The following RAI1 variants were observed in gnomAD, a reference collection of about 807,000 sequenced individuals.
RAI1 encodes the protein retinoic acid-induced protein 1.
RAI1 carries 9 observed loss-of-function variants against 123.8 expected under a neutral mutation model. The observed-to-expected ratio is 0.07, with a 90% CI of 0.04 to 0.13. RAI1 has a LOEUF of 0.13. Among genes scored for constraint, RAI1 ranks in the 10% least tolerant of loss-of-function variants. The pLI is 1.00. For synonymous variants in RAI1, 1,231 were observed against 1,127.3 expected (o/e 1.09, Z -1.84); for missense variants, 2,256 against 2,545.8 (o/e 0.89, Z 2.45).
In RAI1 at chr17:17,804,977, C is replaced by G. The variant is rs2032567795; in HGVS notation, c.5659+1128C>G. ...TCCCGAGTTCAAGCGATTCTCCTGC[C>G]TCAGCCTCTCAAGTAGCTGGGACTA... On this transcript the variant is annotated intron_variant, in intron 4 of 5. Transcript: ENST00000353383. Among the ~76,000 whole-genome samples the G allele has an allele frequency of 2.6e-5, 4 of 152,274 alleles. No individual in the cohort carries two copies. In the South Asian group the frequency reaches 8.3e-4, roughly 32 times the overall value.
chr17:17,743,225 T>C (rs1045440725), intron 2 of RAI1, among the ~76,000 whole-genome samples: 1 of 152,194 alleles, frequency 6.6e-6, no homozygotes, highest in African/African-American at 2.4e-5. Context: ...CCTGGGTTCA[T>C]GTGATCCTCT....
At chr17:17,790,914 C>A (rs1276011033) in intron 2 of RAI1, among the ~76,000 whole-genome samples, 1 of 152,204 alleles carries the variant, frequency 6.6e-6, no homozygotes, top group Non-Finnish European at 1.5e-5. Flanking sequence ...AGCTGCCAGA[C>A]CAGAACCAAG....
At chr17:17,682,116 C>T (rs1914443402) in intron 1 of RAI1, among the ~76,000 whole-genome samples, 1 of 146,134 alleles carries the variant, frequency 6.8e-6, no homozygotes, top group African/African-American at 2.6e-5. Flanking sequence ...AAGGGATCTG[C>T]TTGCGCCGAG....
At chr17:17,748,640 A>AT (rs2030022273) in intron 2 of RAI1, among the ~76,000 whole-genome samples, 1 of 152,214 alleles carries the variant, frequency 6.6e-6, no homozygotes, top group Admixed American at 6.5e-5. Context: ...AGGTTCTTAA[A>AT]TGATGATAGA....
In RAI1 at chr17:17,681,632, C is replaced by T. The variant is rs886933348; in HGVS notation, c.-310C>T. 4.6e-5 allele frequency: 10 copies of T among 219,672 alleles called. No homozygotes were observed. The East Asian group carries it at 6.2e-4, about 14-fold the overall frequency. 13.6% of individuals were successfully genotyped at this position (219,672 alleles called of 1,614,324 possible). A position where few individuals can be genotyped will look rare whatever the true frequency, so the allele number is the denominator to read the frequency against. ...CCGAGCAGGCCGCCCTGCCCGCGGC[C>T]CTAGCGCCGGCGCGAGGAGGGGGCG... On this transcript the variant is annotated 5_prime_UTR_variant, in exon 1 of 6. Coordinates refer to ENST00000353383, the MANE Select transcript of RAI1 (RefSeq NM_030665.4).
intron 1 of RAI1, among the ~76,000 whole-genome samples, chr17:17,697,317 C>G (rs1202110230): frequency 1.3e-5 from 2 of 152,264 alleles, no homozygotes; most frequent in Non-Finnish European, 2.9e-5. Context: ...TCGGGAATAA[C>G]AGTCCTGGCC....
intron 1 of RAI1, among the ~76,000 whole-genome samples, chr17:17,709,548 G>C (rs1007700770): frequency 6.6e-6 from 1 of 152,162 alleles, no homozygotes; most frequent in Non-Finnish European, 1.5e-5. Flanking sequence ...GTCACAGTGG[G>C]GCATTTGCAG....
At chr17:17,802,773 C>A (rs1204578358) in intron 3 of RAI1, among the ~76,000 whole-genome samples, 3 of 151,414 alleles carry the variant, frequency 2.0e-5, no homozygotes, top group African/African-American at 7.3e-5. Context: ...AAGACTCCAT[C>A]TCAAAAGCAA....
At chr17:17,773,093 A>ACGGGTGGG (rs1567891404) in intron 2 of RAI1, among the ~76,000 whole-genome samples, 1 of 120,936 alleles carries the variant, frequency 8.3e-6, no homozygotes, top group Non-Finnish European at 1.7e-5. Flanking sequence ...GGATGGATGG[A>ACGGGTGGG]TGGGTGGGTG....
rs1440736316 is a variant in RAI1 at position 17,808,803 on chromosome 17, C to G, written c.5660-587C>G. ...TCCATGATAGGCATACAGTAGGTGG[C>G]ATAATGCCCATTTTACAGATGTGGA... On this transcript the variant is annotated intron_variant, in intron 4 of 5. Coordinates refer to ENST00000353383, the MANE Select transcript of RAI1 (RefSeq NM_030665.4). Among the ~76,000 whole-genome samples the G allele has an allele frequency of 8.5e-5, 13 of 152,312 alleles. No individual in the cohort carries two copies. In the East Asian group the frequency reaches 2.5e-3, roughly 29 times the overall value.
chr17:17,810,119 C>CCGGAT lies in RAI1; in HGVS notation c.*141_*145dup, dbSNP rs2032701441. ...CCAGAGCCGATCCTTGATCCGGGTC[C>CCGGAT]CGGATCGTGGATCCGGCCGCCTAGG... is the stretch of plus-strand genomic sequence containing the variant. On this transcript the variant is annotated 3_prime_UTR_variant, in exon 6 of 6. Coordinates refer to ENST00000353383, the MANE Select transcript of RAI1 (RefSeq NM_030665.4). The surrounding 1 kb of genome is among the most constrained non-coding windows in gnomAD (Gnocchi z 4.6). 5.6e-6 allele frequency: 7 copies of CCGGAT among 1,258,948 alleles called. No homozygotes were observed. Among genetic ancestry groups the CCGGAT allele is most frequent in the Non-Finnish European group, 7.5e-6 (7 of 937,342 alleles). 78.0% of individuals were successfully genotyped at this position (1,258,948 alleles called of 1,614,324 possible).
intron 2 of RAI1, among the ~76,000 whole-genome samples, chr17:17,751,941 C>T (rs914995008): frequency 2.0e-5 from 3 of 152,218 alleles, no homozygotes; most frequent in African/African-American, 7.2e-5. Flanking sequence ...CCCATAGAAG[C>T]CACCAAGGGC....
intron 1 of RAI1, among the ~76,000 whole-genome samples, chr17:17,686,071 C>T (rs1370369793): frequency 6.6e-6 from 1 of 152,260 alleles, no homozygotes; most frequent in East Asian, 1.9e-4. Context: ...GTCTGTCCTC[C>T]CCATGAGGCT....
rs1404684914 is a variant in RAI1, at chr17:17,809,340, T to C, written c.5660-50T>C. Reference sequence around the variant, plus strand: ...CTGGCTGCAGACAAAACCCCACAGCTGTGGGGCCCCCACCCTGTCCTAACC... The same window carrying C: ...CTGGCTGCAGACAAAACCCCACAGCCGTGGGGCCCCCACCCTGTCCTAACC... On this transcript the variant is annotated intron_variant, in intron 4 of 5. Transcript: ENST00000353383. This position sits in a 1 kb window ranked among gnomAD's most constrained non-coding sequence, Gnocchi z 4.9. 1 of 1,524,754 alleles carries C rather than the reference T, an allele frequency of 6.6e-7. No individual in the cohort carries two copies. Among genetic ancestry groups the C allele is most frequent in the Non-Finnish European group, 9.1e-7 (1 of 1,099,278 alleles). The allele number at this position is 1,524,754 out of a possible 1,614,324, so 94.5% of individuals were successfully genotyped here.
intron 2 of RAI1, among the ~76,000 whole-genome samples, chr17:17,760,132 C>T (rs2030626129): frequency 6.6e-6 from 1 of 152,198 alleles, no homozygotes; most frequent in African/African-American, 2.4e-5. Context: ...CCCCCACCTG[C>T]TGCCAGCCCT....
intron 2 of RAI1, among the ~76,000 whole-genome samples, chr17:17,760,242 GC>G (rs1249330378): frequency 2.0e-5 from 3 of 152,228 alleles, no homozygotes; most frequent in African/African-American, 7.2e-5. Context: ...TTTACTGATA[GC>G]CCCCACTTTA....
chr17:17,754,135 C>A (rs1851235551), intron 2 of RAI1, among the ~76,000 whole-genome samples: 1 of 150,450 alleles, frequency 6.6e-6, no homozygotes, highest in Admixed American at 6.6e-5. Context: ...AGCCTGGCAC[C>A]TGGGGTGTCT....
At chr17:17,808,367 T>C (rs2032635480) in intron 4 of RAI1, among the ~76,000 whole-genome samples, 1 of 150,590 alleles carries the variant, frequency 6.6e-6, no homozygotes. Context: ...AAATTTTATT[T>C]TATTTTATAT....
At position 17,800,202 on chromosome 17, in the gene RAI1, C is replaced by CTCTG. The variant is rs1567932612; in HGVS notation, c.5565+1692_5565+1693insGTCT. On this transcript the variant is annotated intron_variant, in intron 3 of 5. Transcript: ENST00000353383. This position sits in a 1 kb window ranked among gnomAD's most constrained non-coding sequence, Gnocchi z 4.7. The stretch of plus-strand genomic sequence containing the variant: ...TCTGTCTCTCTCTCTCTCTCTCTCT[C>CTCTG]TCTCTCTCTCTCTCTCTCTCTCTCT... Among the ~76,000 whole-genome samples the CTCTG allele has an allele frequency of 3.8e-5, 5 of 132,658 alleles. No individual in the cohort carries two copies. The highest frequency in any genetic ancestry group is 1.5e-4 in the African/African-American group (5 of 33,854). The allele number at this position is 132,658 out of a possible 152,430, so 87.0% of individuals were successfully genotyped here. A position where few individuals can be genotyped will look rare whatever the true frequency, so the allele number is the denominator to read the frequency against.
Sources: allele counts gnomAD v4.1 joint callset (sites outside exome capture counted in the v4.1 genomes callset), GRCh38; gene constraint gnomAD v4.1.1; non-coding constraint Gnocchi (gnomAD v3.1); transcripts MANE v1.5; gene names NCBI Gene and HGNC (gene_info 2026-07-23, HGNC 2026-07-21).